NCEH1: variants seen among roughly 807,000 people sequenced by gnomAD.
NCEH1 encodes 2-acetyl MAGE hydrolase.
A neutral mutation model predicts 25.4 loss-of-function variants in NCEH1; 9 were observed. That is an observed-to-expected ratio of 0.35 (90% CI 0.21 to 0.62). The LOEUF is 0.62. Among genes scored for constraint, NCEH1 ranks in the 20% least tolerant of loss-of-function variants. NCEH1 has a pLI of 0.72. For synonymous variants in NCEH1, 200 were observed against 199.8 expected, an observed-to-expected ratio of 1.00 and a Z score of -0.01; for missense variants, 412 against 501.1, an observed-to-expected ratio of 0.82 and a Z score of 1.70.
At chr3:172,696,487 TTGA>T (rs1366771065) in intron 1 of NCEH1, among the ~76,000 whole-genome samples, 11 of 152,370 alleles carry the variant, frequency 7.2e-5, no homozygotes, top group African/African-American at 2.2e-4. Context: ...TAACTAATGT[TTGA>T]TGATGATAAC....
At chr3:172,687,458 T>G (rs142746646) in intron 1 of NCEH1, among the ~76,000 whole-genome samples, 30 of 152,386 alleles carry the variant, frequency 2.0e-4, no homozygotes, top group African/African-American at 6.5e-4. Context: ...CAGGAACCAT[T>G]TGCAACACTT....
chr3:172,688,077 G>A (rs1386410836), intron 1 of NCEH1, among the ~76,000 whole-genome samples: 1 of 152,042 alleles, frequency 6.6e-6, no homozygotes, highest in Non-Finnish European at 1.5e-5. Context: ...GCTCACGCCT[G>A]TAAACCCAGC....
chr3:172,648,135 TAA>T, intron 1 of NCEH1, 21 bp from the exon 2 acceptor site: 1 of 1,613,230 alleles, frequency 6.2e-7, no homozygotes, highest in Non-Finnish European at 8.5e-7. Flanking sequence ...AGGGAGGAAA[TAA>T]AGAGGGAGGG....
chr3:172,668,373 T>TG (rs1718324951), intron 1 of NCEH1, among the ~76,000 whole-genome samples: 1 of 142,378 alleles, frequency 7.0e-6, no homozygotes, highest in Non-Finnish European at 1.5e-5. Flanking sequence ...TTTTTTTTTT[T>TG]TGAGAGAGTC....
At chr3:172,657,467 T>C (rs1717747901) in intron 1 of NCEH1, among the ~76,000 whole-genome samples, 1 of 152,160 alleles carries the variant, frequency 6.6e-6, no homozygotes, top group Non-Finnish European at 1.5e-5. Flanking sequence ...AATCACCTCA[T>C]CAAACCCTAT....
At chr3:172,706,752 C>G (rs1025917470) in intron 1 of NCEH1, among the ~76,000 whole-genome samples, 2 of 152,024 alleles carry the variant, frequency 1.3e-5, no homozygotes, top group East Asian at 3.9e-4. Flanking sequence ...CCGCCCGCCT[C>G]GACCTCCCAC....
At chr3:172,699,537 G>A (rs182845506) in intron 1 of NCEH1, among the ~76,000 whole-genome samples, 10 of 152,292 alleles carry the variant, frequency 6.6e-5, no homozygotes, top group Admixed American at 5.2e-4. Flanking sequence ...CTGAGCATCC[G>A]TCCAGGTTTG....
chr3:172,692,917 T>G (rs1190555557), intron 1 of NCEH1, among the ~76,000 whole-genome samples: 1 of 152,200 alleles, frequency 6.6e-6, no homozygotes, highest in Non-Finnish European at 1.5e-5. Context: ...CTCTTTCACC[T>G]CAGACTCTTG....
intron 1 of NCEH1, among the ~76,000 whole-genome samples, chr3:172,701,616 G>GTT (rs60219751): frequency 0.083 from 9,223 of 110,498 alleles, 568 homozygotes; most frequent in African/African-American, 0.18. Context: ...TGCCCAGCTA[G>GTT]TTTTTTTTTT....
intron 1 of NCEH1, among the ~76,000 whole-genome samples, chr3:172,697,791 C>A (rs1387552986): frequency 1.3e-5 from 2 of 152,090 alleles, no homozygotes; most frequent in Admixed American, 6.6e-5. Context: ...TAAGCAGGCC[C>A]ATGTCTGTGA....
Position 172,671,520 on chromosome 3 carries a change from C to T in NCEH1, c.139-23406G>A, listed in dbSNP as rs191030757. Among the ~76,000 whole-genome samples, 13 of 147,866 alleles carry T rather than the reference C, an allele frequency of 8.8e-5. No individual in the cohort carries two copies. In the East Asian group the frequency reaches 2.5e-3, roughly 29 times the overall value. The stretch of plus-strand genomic sequence containing the variant: ...ACACATACACATACACACACACACA[C>T]ACACACACATATATAGATATATATA... On this transcript the variant is annotated intron_variant, in intron 1 of 4. Coordinates refer to ENST00000475381, the MANE Select transcript of NCEH1 (RefSeq NM_020792.6).
intron 1 of NCEH1, among the ~76,000 whole-genome samples, chr3:172,710,314 C>A (rs1311462875): frequency 6.6e-6 from 1 of 152,174 alleles, no homozygotes; most frequent in African/African-American, 2.4e-5. Context: ...TCCTCAAGTG[C>A]TTGGATGGAG....
intron 1 of NCEH1, among the ~76,000 whole-genome samples, chr3:172,702,191 G>C (rs1354234512): frequency 6.6e-6 from 1 of 151,378 alleles, no homozygotes; most frequent in African/African-American, 2.5e-5. Context: ...TTTGCATTTC[G>C]GTCTCCTCCT....
chr3:172,691,977 G>C (rs1234674563), intron 1 of NCEH1, among the ~76,000 whole-genome samples: 3 of 43,546 alleles, frequency 6.9e-5, no homozygotes, highest in African/African-American at 3.3e-4. Flanking sequence ...AAGAAAGAAA[G>C]AAAGAAAGAA....
At chr3:172,651,525 T>C (rs1372246097) in intron 1 of NCEH1, among the ~76,000 whole-genome samples, 4 of 152,088 alleles carry the variant, frequency 2.6e-5, no homozygotes, top group African/African-American at 4.8e-5. Context: ...GTTCCTTCCT[T>C]CCTTTGGATT....
At chr3:172,707,993 T>G (rs987908227) in intron 1 of NCEH1, among the ~76,000 whole-genome samples, 1 of 152,224 alleles carries the variant, frequency 6.6e-6, no homozygotes, top group Non-Finnish European at 1.5e-5. Flanking sequence ...GTTTGGTTTG[T>G]TTTAAACAGT....
chr3:172,690,716 A>G (rs1484903910), intron 1 of NCEH1, among the ~76,000 whole-genome samples: 1 of 152,226 alleles, frequency 6.6e-6, no homozygotes, highest in Non-Finnish European at 1.5e-5. Context: ...TAATGCATCC[A>G]TTACAAAAGA....
chr3:172,635,894 C>T (rs1471724204), intron 4 of NCEH1, 22 bp downstream of exon 4: 1 of 1,610,638 alleles, frequency 6.2e-7, no homozygotes, highest in East Asian at 2.2e-5. Flanking sequence ...AACCCACCAG[C>T]ACCTTAGGAC....
At chr3:172,674,320 G>A (rs34605954) in intron 1 of NCEH1, among the ~76,000 whole-genome samples, 21,044 of 151,602 alleles carry the variant, frequency 0.14, 1,626 homozygotes, top group East Asian at 0.2. Flanking sequence ...GGCACGTGCC[G>A]TAATCCCAGC....
Sources: gnomAD v4.1 joint callset for allele counts (sites outside exome capture counted in the v4.1 genomes callset) on GRCh38, gnomAD v4.1.1 for gene constraint, MANE v1.5 for transcripts, NCBI Gene and HGNC (gene_info 2026-07-23, HGNC 2026-07-21) for gene names.